Variants in MAGI2 observed in about 807,000 individuals in gnomAD.
MAGI2 encodes the protein membrane associated guanylate kinase, WW and PDZ domain containing 2, also known as membrane-associated guanylate kinase, WW and PDZ domain-containing protein 2.
In MAGI2, 35 loss-of-function variants were observed where a neutral mutation model predicts 133.3. That is an observed-to-expected ratio of 0.26 (90% confidence interval 0.20 to 0.35). The LOEUF (loss-of-function observed/expected upper bound fraction) is 0.35, where lower values mean the gene tolerates loss of function less well. MAGI2 is among the 10% of genes least tolerant of loss of function. The pLI is 1.00. For missense variants in MAGI2, 1,636 were observed against 1,863.4 expected (o/e 0.88, Z 2.25); for synonymous variants, 729 against 710.6 (o/e 1.03, Z -0.41).
chr7:78,708,783 G>A (rs957594885), intron 2 of MAGI2, among the ~76,000 whole-genome samples: 2 of 152,048 alleles, frequency 1.3e-5, no homozygotes, highest in Non-Finnish European at 2.9e-5. Flanking sequence ...TTTCATGAAT[G>A]AGTAACCCCT....
chr7:79,271,666 A>ATTTTT (rs71518912), intron 1 of MAGI2, among the ~76,000 whole-genome samples: 1 of 141,812 alleles, frequency 7.1e-6, no homozygotes. Context: ...GGTGTGAGTG[A>ATTTTT]TTTTTTTTTT....
chr7:79,173,427 G>C (rs1465921864), intron 1 of MAGI2, among the ~76,000 whole-genome samples: 1 of 152,022 alleles, frequency 6.6e-6, no homozygotes, highest in Non-Finnish European at 1.5e-5. Flanking sequence ...CTGGGCTCAA[G>C]TGATCCTTCC....
intron 2 of MAGI2, among the ~76,000 whole-genome samples, chr7:78,777,715 C>T (rs1251666218): frequency 6.6e-6 from 1 of 152,110 alleles, no homozygotes; most frequent in Non-Finnish European, 1.5e-5. Flanking sequence ...AGCCAATTAC[C>T]TTGATATAAA....
intron 2 of MAGI2, among the ~76,000 whole-genome samples, chr7:78,916,239 T>A (rs897880803): frequency 5.9e-5 from 9 of 152,112 alleles, no homozygotes; most frequent in African/African-American, 2.2e-4. Flanking sequence ...TGAAATAATA[T>A]GTGTATAATG....
chr7:78,786,675 C>T (rs2151356864), intron 2 of MAGI2, among the ~76,000 whole-genome samples: 1 of 152,208 alleles, frequency 6.6e-6, no homozygotes, highest in Non-Finnish European at 1.5e-5. Flanking sequence ...TGTTCTTTAC[C>T]TTCTCCCTCC....
intron 1 of MAGI2, among the ~76,000 whole-genome samples, chr7:79,253,826 AT>A (rs1209072285): frequency 6.6e-6 from 1 of 152,174 alleles, no homozygotes; most frequent in African/African-American, 2.4e-5. Flanking sequence ...TATTCTACAA[AT>A]TTTAAAAGTT....
chr7:78,963,517 A>T (rs1298527837), intron 2 of MAGI2, among the ~76,000 whole-genome samples: 3 of 152,052 alleles, frequency 2.0e-5, no homozygotes, highest in African/African-American at 7.2e-5. Context: ...ATATTTTCAA[A>T]ATATATTTGA....
intron 6 of MAGI2, among the ~76,000 whole-genome samples, chr7:78,442,214 T>A (rs1289231621): frequency 6.6e-6 from 1 of 152,212 alleles, no homozygotes; most frequent in Non-Finnish European, 1.5e-5. Context: ...TACACTGCTA[T>A]GGAGACCTCC....
At chr7:78,847,074 T>G (rs1030809929) in intron 2 of MAGI2, among the ~76,000 whole-genome samples, 2 of 151,990 alleles carry the variant, frequency 1.3e-5, no homozygotes, top group Admixed American at 1.3e-4. Context: ...TAATAGGTAG[T>G]TCAAAAGTTG....
chr7:78,981,717 G>A (rs961769194), intron 2 of MAGI2, among the ~76,000 whole-genome samples: 4 of 151,838 alleles, frequency 2.6e-5, no homozygotes, highest in Non-Finnish European at 5.9e-5. Flanking sequence ...TGGCACCCTG[G>A]ATCATAGAGG....
chr7:79,166,565 T>C lies in MAGI2; in HGVS notation c.302-159359A>G, dbSNP rs147144453. 2.3e-3 allele frequency among the ~76,000 whole-genome samples: 345 copies of C among 152,216 alleles called. 1 individual carries two copies. The highest frequency in any genetic ancestry group is 7.6e-3 in the African/African-American group (318 of 41,570). ...ATTGTGAAATAGTAAATTTATATTG[T>C]CTTAATGTGGTAATTTGTTGGGCAG... On this transcript the variant is annotated intron_variant, in intron 1 of 21. Coordinates refer to ENST00000354212, the MANE Select transcript of MAGI2 (RefSeq NM_012301.4).
intron 2 of MAGI2, among the ~76,000 whole-genome samples, chr7:78,672,603 A>T (rs1051059360): frequency 2.6e-5 from 4 of 152,176 alleles, no homozygotes; most frequent in African/African-American, 9.6e-5. Flanking sequence ...AATAACCATG[A>T]TTGATGATCT....
At chr7:78,214,428 C>A (rs1407248523) in intron 10 of MAGI2, among the ~76,000 whole-genome samples, 2 of 152,058 alleles carry the variant, frequency 1.3e-5, no homozygotes, top group South Asian at 2.1e-4. Context: ...TCTGTGAATC[C>A]CTGATACTAT....
chr7:78,165,515 G>A (rs901631860), intron 15 of MAGI2, among the ~76,000 whole-genome samples: 4 of 152,228 alleles, frequency 2.6e-5, no homozygotes, highest in Non-Finnish European at 5.9e-5. Context: ...GGTGGGGCGG[G>A]CATTTGTATA....
intron 7 of MAGI2, chr7:78,350,604 C>T (rs893683955): frequency 3.9e-5 from 6 of 152,178 alleles, no homozygotes; most frequent in Admixed American, 3.9e-4. Flanking sequence ...AACTTTGCTC[C>T]TGAAGAGGAC....
Position 78,636,813 on chromosome 7 carries a change from C to CA in MAGI2, c.419-9575dup, listed in dbSNP as rs58600057. ...ACTCCATCTCAAAAAACAAAAAAAC[C>CA]AAAACCAAACAAACAAAAACAACAC... On this transcript the variant is annotated intron_variant, in intron 2 of 21. Coordinates refer to ENST00000354212, the MANE Select transcript of MAGI2 (RefSeq NM_012301.4). Among the ~76,000 whole-genome samples the CA allele has an allele frequency of 6.0e-3, 909 of 151,826 alleles. 7 individuals carry two copies. The highest frequency in any genetic ancestry group is 0.021 in the African/African-American group (863 of 41,444).
In MAGI2 at chr7:78,841,124, T is replaced by C. The variant is rs1296844277; in HGVS notation, c.418+165966A>G. The stretch of plus-strand genomic sequence containing the variant: ...TGACTTCTCCCCCAAGTCTGTCTCA[T>C]AAGTAACCTTTGAAAAATTACCTAC... On this transcript the variant is annotated intron_variant, in intron 2 of 21. Transcript: ENST00000354212. Among the ~76,000 whole-genome samples, 5 of 151,482 alleles carry C rather than the reference T, an allele frequency of 3.3e-5. No individual in the cohort carries two copies. The South Asian group carries it at 1.0e-3, about 31-fold the overall frequency.
intron 1 of MAGI2, among the ~76,000 whole-genome samples, chr7:79,084,531 T>G (rs921101515): frequency 1.3e-5 from 2 of 151,754 alleles, no homozygotes; most frequent in Non-Finnish European, 3.0e-5. Flanking sequence ...ATGACTTCAG[T>G]TTTTCAATGT....
At chr7:78,119,802 A>G (rs765439050) in intron 20 of MAGI2, among the ~76,000 whole-genome samples, 1 of 152,164 alleles carries the variant, frequency 6.6e-6, no homozygotes, top group Non-Finnish European at 1.5e-5. Context: ...AAAAAAATGA[A>G]GAAAAGAAGA....
Sources: gnomAD v4.1 joint callset for allele counts (sites outside exome capture counted in the v4.1 genomes callset) on GRCh38, gnomAD v4.1.1 for gene constraint, MANE v1.5 for transcripts, NCBI Gene and HGNC (gene_info 2026-07-23, HGNC 2026-07-21) for gene names.